Variants in MCM5 observed in about 807,000 individuals in gnomAD.
MCM5 encodes the protein DNA replication licensing factor MCM5.
MCM5 carries 46 observed loss-of-function variants against 79.9 expected under a neutral mutation model. That is an observed-to-expected ratio of 0.58 (90% CI 0.45 to 0.74). MCM5 has a LOEUF of 0.74. Ranked by LOEUF, MCM5 falls within the 30% of genes least tolerant of loss-of-function variation. MCM5 has a pLI of 0.00. For synonymous variants in MCM5, 404 were observed against 390.5 expected (o/e 1.03, Z -0.41); for missense variants, 883 against 1,017.0 (o/e 0.87, Z 1.79).
the MCM5 span, among the ~76,000 whole-genome samples, chr22:35,430,533 C>G: frequency 2.0e-5 from 3 of 148,460 alleles, no homozygotes; most frequent in Non-Finnish European, 4.5e-5. Flanking sequence ...TGGAGTCTCG[C>G]TCTGTCGCCC....
At chr22:35,438,112 C>T in the MCM5 span, among the ~76,000 whole-genome samples, 2 of 152,162 alleles carry the variant, frequency 1.3e-5, no homozygotes, top group Non-Finnish European at 2.9e-5. Context: ...CCCATCCCTA[C>T]CTTTCAGACA....
the MCM5 span, among the ~76,000 whole-genome samples, chr22:35,453,417 C>T: frequency 6.6e-6 from 1 of 151,346 alleles, no homozygotes; most frequent in African/African-American, 2.4e-5. Flanking sequence ...CAGAGTGATT[C>T]AGAGAGACAC....
At chr22:35,401,792 G>T in intron 2 of MCM5, 1 of 445,940 alleles carries the variant, frequency 2.2e-6, no homozygotes. Flanking sequence ...CTTCCACGGT[G>T]GTCATTTCCT....
chr22:35,417,470 C>G (rs1467823972), intron 12 of MCM5, among the ~76,000 whole-genome samples: 3 of 151,008 alleles, frequency 2.0e-5, no homozygotes, highest in Admixed American at 6.6e-5. Flanking sequence ...GATACATGCC[C>G]CAAGTCGGGG....
downstream of MCM5, among the ~76,000 whole-genome samples, chr22:35,425,786 C>G (rs558585465): frequency 2.6e-5 from 4 of 152,052 alleles, no homozygotes; most frequent in East Asian, 5.8e-4. Context: ...GTGGAACTCT[C>G]ATGAGGTTCA....
chr22:35,446,462 G>T, the MCM5 span, among the ~76,000 whole-genome samples: 1 of 152,122 alleles, frequency 6.6e-6, no homozygotes, highest in Non-Finnish European at 1.5e-5. Context: ...TACCCCCATC[G>T]CTGTACCTCC....
At position 35,410,806 on chromosome 22, in the gene MCM5, A is replaced by G; in HGVS notation, c.815A>G (p.Lys272Arg). The G allele has an allele frequency of 6.2e-7, 1 of 1,614,054 alleles. No homozygotes were observed. The highest frequency in any genetic ancestry group is 8.5e-7 in the Non-Finnish European group (1 of 1,179,972). The change falls in exon 7 of 17, where the codon AAG (lysine) becomes AGG (arginine). Residue 272 changes from lysine to arginine, a missense_variant. Lys to Arg is a conservative substitution (Grantham distance 26). This residue lies in a region of MCM5 where 455 missense variants were observed against 517.5 expected (regional missense o/e 0.88). Transcript: ENST00000216122. ...RVTIMGIYSI[K>R]KFGLTTSRGR... ...ACCATCATGGGCATCTACTCCATCA[A>G]GAAGTTTGGCCTGACTACCAGCAGG...
intron 2 of MCM5, among the ~76,000 whole-genome samples, chr22:35,400,848 T>C (rs1601749600): frequency 6.6e-6 from 1 of 152,318 alleles, no homozygotes; most frequent in East Asian, 1.9e-4. Flanking sequence ...TGAGACGGAG[T>C]CTCGCTCTGT....
chr22:35,436,549 A>C, the MCM5 span, among the ~76,000 whole-genome samples: 1 of 152,120 alleles, frequency 6.6e-6, no homozygotes, highest in Non-Finnish European at 1.5e-5. Context: ...CGCCCACTGC[A>C]CCCTGCACAT....
At chr22:35,442,571 A>G in the MCM5 span, among the ~76,000 whole-genome samples, 1 of 152,028 alleles carries the variant, frequency 6.6e-6, no homozygotes, top group Non-Finnish European at 1.5e-5. Flanking sequence ...AGGCTGCCAC[A>G]TTGCTTAGCT....
At chr22:35,418,135 C>T (rs1303547594) in intron 13 of MCM5, among the ~76,000 whole-genome samples, 1 of 152,070 alleles carries the variant, frequency 6.6e-6, no homozygotes, top group Non-Finnish European at 1.5e-5. Flanking sequence ...GAAGTGTAGA[C>T]ATGGTAGACA....
At chr22:35,415,684 T>G (rs1932520054) in intron 9 of MCM5, 145 bp from the exon 10 acceptor site, 1 of 866,472 alleles carries the variant, frequency 1.2e-6, no homozygotes, top group Admixed American at 2.3e-5. Flanking sequence ...ACGCACTGAG[T>G]TGGAGCCTTG....
intron 14 of MCM5, among the ~76,000 whole-genome samples, 191 bp from the exon 15 acceptor site, chr22:35,421,127 C>CAAA (rs133430): frequency 1.7e-4 from 15 of 88,864 alleles, no homozygotes; most frequent in Non-Finnish European, 2.8e-4. Flanking sequence ...GACTTTGTCT[C>CAAA]AAAAAAAAAA....
Position 35,408,435 on chromosome 22 carries a change from A to G in MCM5, c.624A>G (p.Pro208=). ...ATCAGGCTGGGCGCCCCAAATGCCC[A>G]TTGGACCCGTACTTCATCATGCCCG... ...NTDQAGRPKC[P]LDPYFIMPDK... The change falls in exon 6 of 17, where the codon CCA becomes CCG. Residue 208 remains proline, a synonymous_variant. Transcript: ENST00000216122. 2 of 1,614,106 alleles carry G rather than the reference A, an allele frequency of 1.2e-6. No homozygotes were observed. The highest frequency in any genetic ancestry group is 2.2e-5 in the East Asian group (1 of 44,876).
At chr22:35,419,148 G>A (rs1232385159) in intron 13 of MCM5, among the ~76,000 whole-genome samples, 1 of 152,146 alleles carries the variant, frequency 6.6e-6, no homozygotes, top group African/African-American at 2.4e-5. Flanking sequence ...GTCTTGAGAG[G>A]CTTGGGCCCA....
rs1932689104 is a variant in MCM5 at position 35,421,382 on chromosome 22, A to G, written c.1897A>G (p.Thr633Ala). 2 of 1,614,174 alleles carry G rather than the reference A, an allele frequency of 1.2e-6. No homozygotes were observed. Among genetic ancestry groups the G allele is most frequent in the Non-Finnish European group, 8.5e-7 (1 of 1,180,038 alleles). Residue 633 changes from threonine (T) to alanine (A), a missense_variant, in exon 15 of 17, where the codon ACA becomes GCA. Coordinates refer to ENST00000216122, the MANE Select transcript of MCM5 (RefSeq NM_006739.4). ...CAAGATGAAGCTGCAGCCCTTCGCC[A>G]CAGAGGCAGATGTGGAGGAGGCCCT... ...LSKMKLQPFA[T>A]EADVEEALRL... is the part of the protein sequence containing the mutation.
intron 9 of MCM5, 37 bp from the exon 10 acceptor site, chr22:35,415,792 G>C: frequency 6.2e-7 from 1 of 1,600,830 alleles, no homozygotes; most frequent in South Asian, 1.1e-5. Context: ...AAAGCATGGA[G>C]TTGTTATTGG....
In MCM5 at chr22:35,424,275, C is replaced by T; in HGVS notation, c.*20C>T. ...AAGTGAGTCGCGCCGCCTCACTGGACTCATGGACTCGCCCACGCCTCGCCC... is the reference window on the plus strand; with the variant it reads ...AAGTGAGTCGCGCCGCCTCACTGGATTCATGGACTCGCCCACGCCTCGCCC... On this transcript the variant is annotated 3_prime_UTR_variant, in exon 17 of 17. Transcript: ENST00000216122. 6.6e-7 allele frequency: 1 copy of T among 1,508,818 alleles called. No individual in the cohort carries two copies. Among genetic ancestry groups the T allele is most frequent in the Non-Finnish European group, 9.0e-7 (1 of 1,115,080 alleles). The allele number at this position is 1,508,818 out of a possible 1,614,324, so 93.5% of individuals were successfully genotyped here. A position where few individuals can be genotyped will look rare whatever the true frequency, so the allele number is the denominator to read the frequency against.
chr22:35,411,321 G>C (rs189538801), intron 7 of MCM5: 1 of 163,912 alleles, frequency 6.1e-6, no homozygotes, highest in African/African-American at 2.4e-5. Flanking sequence ...TGTGGGTCAC[G>C]CAGTTCCAAG....
Sources: allele counts gnomAD v4.1 joint callset (sites outside exome capture counted in the v4.1 genomes callset), GRCh38; gene constraint gnomAD v4.1.1; regional missense constraint gnomAD v4.1.1; transcripts MANE v1.5; gene names NCBI Gene and HGNC (gene_info 2026-07-23, HGNC 2026-07-21).